Variants in GPLD1 observed in about 807,000 individuals in gnomAD.
The protein encoded by GPLD1 is glycosylphosphatidylinositol specific phospholipase D1.
A neutral mutation model predicts 112.6 loss-of-function variants in GPLD1; 84 were observed. That is an observed-to-expected ratio of 0.75 (90% CI 0.63 to 0.89). The LOEUF (loss-of-function observed/expected upper bound fraction) is 0.89. GPLD1 is among the 40% of genes least tolerant of loss of function. GPLD1 has a pLI of 0.00. For synonymous variants in GPLD1, 386 were observed against 403.8 expected (o/e 0.96, Z 0.53); for missense variants, 1,044 against 1,051.5 (o/e 0.99, Z 0.10).
chr6:24,440,109 C>T (rs115894968), intron 20 of GPLD1, among the ~76,000 whole-genome samples: 4,162 of 152,284 alleles, frequency 0.027, 82 homozygotes, highest in Non-Finnish European at 0.042. Context: ...CTCTTGAAAA[C>T]CACAGGAAAG....
intron 1 of GPLD1, among the ~76,000 whole-genome samples, chr6:24,486,801 G>A (rs1318122043): frequency 1.5e-5 from 2 of 134,418 alleles, no homozygotes; most frequent in Non-Finnish European, 3.2e-5. Flanking sequence ...CTGGGCAACA[G>A]AGCGAGGCTC....
rs1342420898 is a variant in GPLD1, at chr6:24,489,573, G to A, written c.-62C>T. 2 of 1,607,936 alleles carry A rather than the reference G, an allele frequency of 1.2e-6. No homozygotes were observed. The highest frequency in any genetic ancestry group is 2.2e-5 in the East Asian group (1 of 44,560). On this transcript the variant is annotated 5_prime_UTR_variant, in exon 1 of 25. Transcript: ENST00000230036. ...AATGCTCAGAGCTGCAGCAGCACTGGGACTCCAAAATCCAGGTGCAGACCC... is the reference window on the plus strand; with the variant it reads ...AATGCTCAGAGCTGCAGCAGCACTGAGACTCCAAAATCCAGGTGCAGACCC...
chr6:24,454,634 CTA>C lies in GPLD1; in HGVS notation c.1149-435_1149-434del, dbSNP rs527593478. 5.5e-3 allele frequency among the ~76,000 whole-genome samples: 837 copies of C among 152,316 alleles called. 34 individuals carry two copies. Among genetic ancestry groups the C allele is most frequent in the Admixed American group, 0.053 (818 of 15,298 alleles). On this transcript the variant is annotated intron_variant, in intron 13 of 24. Transcript: ENST00000230036. ...CAAAGACGAGCTTGTGTGAAATAGA[CTA>C]TGTTTTTACCACAGCCACAAAGGCA...
chr6:24,445,875 G>A, intron 18 of GPLD1, 44 bp from the exon 19 acceptor site: 1 of 1,368,334 alleles, frequency 7.3e-7, no homozygotes, highest in Non-Finnish European at 1.0e-6. Context: ...GCACAAGACT[G>A]ACAGCTGGCC....
At chr6:24,446,519 G>A (rs1419753103) in intron 18 of GPLD1, among the ~76,000 whole-genome samples, 1 of 151,986 alleles carries the variant, frequency 6.6e-6, no homozygotes, top group East Asian at 1.9e-4. Context: ...CAGAAGTGAG[G>A]AATGGGGCAC....
In GPLD1 at chr6:24,427,322, C is replaced by G. The variant is rs918259789; in HGVS notation, c.*1710G>C. Among the ~76,000 whole-genome samples, 4 of 152,174 alleles carry G rather than the reference C, an allele frequency of 2.6e-5. No homozygotes were observed. The highest frequency in any genetic ancestry group is 5.9e-5 in the Non-Finnish European group (4 of 68,040). ...CTTTCCTCTCCGGCCCTTACAGTAG[C>G]GTGTGGCTCAGGCCACATCTTTTCC... On this transcript the variant is annotated 3_prime_UTR_variant, in exon 25 of 25. Transcript: ENST00000230036.
Position 24,437,141 on chromosome 6 carries a change from G to C in GPLD1, c.2169C>G (p.His723Gln). ...AGCCATCATCATCCAGGTCACTCAA[G>C]TGCAGAACGCCACCAAATCGGGAGA... ...RRFSRFGGVL[H>Q]LSDLDDDGLD... Residue 723 changes from histidine (H) to glutamine (Q), a missense_variant, in exon 21 of 25, where the codon CAC (histidine) becomes CAG (glutamine). His to Gln is a conservative substitution (Grantham distance 24, BLOSUM62 0). Transcript: ENST00000230036. The C allele has an allele frequency of 6.2e-7, 1 of 1,614,208 alleles. No individual in the cohort carries two copies. Among genetic ancestry groups the C allele is most frequent in the Non-Finnish European group, 8.5e-7 (1 of 1,180,010 alleles).
intron 4 of GPLD1, among the ~76,000 whole-genome samples, chr6:24,475,931 G>A (rs1334069311): frequency 1.3e-5 from 2 of 152,048 alleles, no homozygotes; most frequent in South Asian, 2.1e-4. Context: ...AACGTTTTAC[G>A]ATGTGTTGGA....
chr6:24,466,814 A>C lies in GPLD1; in HGVS notation c.687T>G (p.Tyr229Ter). The C allele has an allele frequency of 1.2e-6, 2 of 1,608,074 alleles. No individual in the cohort carries two copies. The highest frequency in any genetic ancestry group is 1.7e-6 in the Non-Finnish European group (2 of 1,175,644). The change falls in exon 10 of 25, where the codon TAT becomes TAG. Residue 229 changes from tyrosine to a stop codon, truncating the protein, a stop_gained. Coordinates refer to ENST00000230036, the MANE Select transcript of GPLD1 (RefSeq NM_001503.4). LOFTEE classifies it high-confidence loss of function. ...YGEMLAVSKL[Y>*]PTYSTKSPFL... The stretch of plus-strand genomic sequence containing the variant: ...ACGGGGACTTTGTAGAGTAAGTGGG[A>C]TATAACTATGGCAGAGAGAAAGAAA...
chr6:24,459,291 G>T (rs1342207230), intron 12 of GPLD1, among the ~76,000 whole-genome samples: 1 of 151,844 alleles, frequency 6.6e-6, no homozygotes, highest in Non-Finnish European at 1.5e-5. Flanking sequence ...TGTCACTCTA[G>T]CACCCAGGCT....
At chr6:24,449,654 T>C in intron 15 of GPLD1, 135 bp downstream of exon 15, 1 of 640,262 alleles carries the variant, frequency 1.6e-6, no homozygotes, top group Non-Finnish European at 2.7e-6. Flanking sequence ...GGCCTGAGAT[T>C]ATCTGCTCAC....
In GPLD1 at chr6:24,432,747, C is replaced by CA. The variant is rs571011460; in HGVS notation, c.2436+439dup. ...TTAGGCTTTGTGGGGCATCAGTCTCCAAAGCAACCAGTCAGTTCTGCCACG... is the reference window on the plus strand; with the variant it reads ...TTAGGCTTTGTGGGGCATCAGTCTCCAAAAGCAACCAGTCAGTTCTGCCACG... On this transcript the variant is annotated intron_variant, in intron 24 of 24. Coordinates refer to ENST00000230036, the MANE Select transcript of GPLD1 (RefSeq NM_001503.4). Among the ~76,000 whole-genome samples the CA allele has an allele frequency of 1.6e-4, 24 of 152,306 alleles. No homozygotes were observed. In the East Asian group the frequency reaches 4.6e-3, roughly 29 times the overall value.
At chr6:24,465,630 A>T (rs1763580452) in intron 10 of GPLD1, among the ~76,000 whole-genome samples, 1 of 152,118 alleles carries the variant, frequency 6.6e-6, no homozygotes. Context: ...CCTCTGATCT[A>T]GGGGTAGTGT....
intron 13 of GPLD1, among the ~76,000 whole-genome samples, chr6:24,454,492 C>A (rs1406761766): frequency 6.6e-6 from 1 of 152,210 alleles, no homozygotes; most frequent in African/African-American, 2.4e-5. Flanking sequence ...TTGTCTTATA[C>A]ACAAAACCAG....
At chr6:24,443,573 A>G (rs942601928) in intron 20 of GPLD1, among the ~76,000 whole-genome samples, 4 of 152,178 alleles carry the variant, frequency 2.6e-5, no homozygotes, top group African/African-American at 9.7e-5. Context: ...GGCTTCCAAC[A>G]TGATTCCAAA....
chr6:24,486,150 A>G lies in GPLD1; in HGVS notation c.98-20T>C. ...TGTGTCCTGAGAGAAATAAATACAT[A>G]AATCAATTAAGTTCAACTATTACTG... On this transcript the variant is annotated intron_variant, in intron 1 of 24. Coordinates refer to ENST00000230036, the MANE Select transcript of GPLD1 (RefSeq NM_001503.4). 5.6e-6 allele frequency: 8 copies of G among 1,432,422 alleles called. No homozygotes were observed. Among genetic ancestry groups the G allele is most frequent in the Non-Finnish European group, 7.8e-6 (8 of 1,024,818 alleles). The allele number at this position is 1,432,422 out of a possible 1,614,324, so 88.7% of individuals were successfully genotyped here. A position where few individuals can be genotyped will look rare whatever the true frequency, so the allele number is the denominator to read the frequency against.
At position 24,460,313 on chromosome 6, in the gene GPLD1, C is replaced by T; in HGVS notation, c.974G>A (p.Arg325Lys). Reference sequence around the variant, plus strand: ...GGAATTTACACTAAAGAACACTCCTCTTTCAGTATAGTTTATATTCCTGTC... The same window carrying T: ...GGAATTTACACTAAAGAACACTCCTTTTTCAGTATAGTTTATATTCCTGTC... ...SVDRNINYTE[R>K]GVFFSVNSWT... Residue 325 changes from arginine (R) to lysine (K), a missense_variant, in exon 12 of 25, where the codon AGA becomes AAA. By Grantham distance (26) the Arg-to-Lys change is conservative. Coordinates refer to ENST00000230036, the MANE Select transcript of GPLD1 (RefSeq NM_001503.4). 1 of 1,613,600 alleles carries T rather than the reference C, an allele frequency of 6.2e-7. No homozygotes were observed. The highest frequency in any genetic ancestry group is 8.5e-7 in the Non-Finnish European group (1 of 1,179,510).
intron 20 of GPLD1, among the ~76,000 whole-genome samples, chr6:24,438,810 G>A (rs1762657469): frequency 6.6e-6 from 1 of 151,238 alleles, no homozygotes; most frequent in Non-Finnish European, 1.5e-5. Flanking sequence ...TTATTGAGAT[G>A]GAGTCTCACT....
intron 20 of GPLD1, among the ~76,000 whole-genome samples, chr6:24,438,856 G>A (rs908213178): frequency 2.0e-5 from 3 of 151,920 alleles, no homozygotes; most frequent in Admixed American, 6.6e-5. Flanking sequence ...GCGTGATCTC[G>A]GCTCACTGCA....
Sources: gnomAD v4.1 joint callset for allele counts (sites outside exome capture counted in the v4.1 genomes callset) on GRCh38, gnomAD v4.1.1 for gene constraint, MANE v1.5 for transcripts, NCBI Gene and HGNC (gene_info 2026-07-23, HGNC 2026-07-21) for gene names.